MGAT5: variants seen among roughly 807,000 people sequenced by gnomAD.
The protein encoded by MGAT5 is alpha-1,6-mannosylglycoprotein 6-beta-N-acetylglucosaminyltransferase A.
MGAT5 carries 30 observed loss-of-function variants against 94.3 expected under a neutral mutation model. That is an observed-to-expected ratio of 0.32 (90% CI 0.24 to 0.43). The LOEUF (loss-of-function observed/expected upper bound fraction) is 0.43, where lower values mean the gene tolerates loss of function less well. Ranked by LOEUF, MGAT5 falls within the 20% of genes least tolerant of loss-of-function variation. The pLI, the probability that MGAT5 is intolerant of heterozygous loss-of-function variation, is 1.00. For synonymous variants in MGAT5, 310 were observed against 322.9 expected (o/e 0.96, Z 0.43); for missense variants, 691 against 905.5 (o/e 0.76, Z 3.04).
upstream of MGAT5, among the ~76,000 whole-genome samples, chr2:134,252,513 C>T (rs1337762997): frequency 6.6e-6 from 1 of 152,064 alleles, no homozygotes; most frequent in Non-Finnish European, 1.5e-5. Flanking sequence ...AGAATCACCT[C>T]GAGGCTTGTT....
chr2:134,166,786 G>A (rs1687981286), intron 1 of MGAT5, among the ~76,000 whole-genome samples: 1 of 152,180 alleles, frequency 6.6e-6, no homozygotes, highest in South Asian at 2.1e-4. Context: ...TAGATGTTGG[G>A]TGGTGATGGG....
chr2:134,410,480 G>T (rs1365902654), intron 11 of MGAT5, among the ~76,000 whole-genome samples: 1 of 152,148 alleles, frequency 6.6e-6, no homozygotes, highest in Non-Finnish European at 1.5e-5. Context: ...ATTTGCTTAG[G>T]CTTCATTCTA....
intron 1 of MGAT5, among the ~76,000 whole-genome samples, chr2:134,221,511 C>T (rs1030095039): frequency 3.9e-5 from 6 of 151,992 alleles, no homozygotes; most frequent in Admixed American, 3.3e-4. Context: ...CTTATCTGAC[C>T]TAAAAGGATG....
chr2:134,372,483 G>T, intron 10 of MGAT5, among the ~76,000 whole-genome samples: 1 of 152,178 alleles, frequency 6.6e-6, no homozygotes, highest in East Asian at 1.9e-4. Flanking sequence ...CTGTCTCGTA[G>T]CCTCTTGAAG....
At chr2:134,373,501 G>C (rs769555718) in intron 10 of MGAT5, among the ~76,000 whole-genome samples, 6 of 152,222 alleles carry the variant, frequency 3.9e-5, no homozygotes, top group Non-Finnish European at 7.3e-5. Flanking sequence ...AGGTAATTGT[G>C]TTGATTATGC....
intron 4 of MGAT5, among the ~76,000 whole-genome samples, chr2:134,326,056 T>C (rs72849281): frequency 6.3e-5 from 5 of 79,268 alleles, no homozygotes; most frequent in East Asian, 8.8e-4. Context: ...CTCTCTCTTT[T>C]TTTTTTTTTT....
At chr2:134,276,879 G>A (rs1366749712) in intron 2 of MGAT5, among the ~76,000 whole-genome samples, 1 of 152,190 alleles carries the variant, frequency 6.6e-6, no homozygotes, top group Non-Finnish European at 1.5e-5. Flanking sequence ...GGTGAAGCTG[G>A]TGTTATGGGG....
At chr2:134,331,855 C>G (rs557472785) in intron 4 of MGAT5, among the ~76,000 whole-genome samples, 14 of 152,122 alleles carry the variant, frequency 9.2e-5, no homozygotes, top group African/African-American at 3.4e-4. Flanking sequence ...TTCCAACTTA[C>G]AAGGGACGTG....
chr2:134,309,396 G>A (rs1026233582), intron 2 of MGAT5, among the ~76,000 whole-genome samples: 6 of 152,208 alleles, frequency 3.9e-5, no homozygotes, highest in African/African-American at 1.2e-4. Context: ...CTGCTAGACT[G>A]TTTTCCAAAG....
At chr2:134,285,000 T>C (rs1375164563) in intron 2 of MGAT5, among the ~76,000 whole-genome samples, 1 of 152,226 alleles carries the variant, frequency 6.6e-6, no homozygotes, top group African/African-American at 2.4e-5. Flanking sequence ...TTTTGATTTT[T>C]TGTTTTGGTC....
intron 1 of MGAT5, among the ~76,000 whole-genome samples, chr2:134,190,375 C>T (rs901476531): frequency 2.6e-5 from 4 of 152,186 alleles, no homozygotes; most frequent in Admixed American, 6.5e-5. Context: ...CTGTTTTTCT[C>T]TTGCTACTGC....
rs551324047 is a variant in MGAT5 at position 134,281,184 on chromosome 2, T to A, written c.406+10634T>A. Among the ~76,000 whole-genome samples, 3 of 152,342 alleles carry A rather than the reference T, an allele frequency of 2.0e-5. No individual in the cohort carries two copies. In the South Asian group the frequency reaches 6.2e-4, roughly 32 times the overall value. ...TCCTCATGGTGAGGATGCAATGAGA[T>A]GATGCATATTGAGATCCTGGTCCAA... On this transcript the variant is annotated intron_variant, in intron 2 of 15. Coordinates refer to ENST00000281923, the MANE Select transcript of MGAT5 (RefSeq NM_002410.5).
intron 10 of MGAT5, among the ~76,000 whole-genome samples, chr2:134,378,767 C>G (rs1160468648): frequency 2.0e-5 from 3 of 152,014 alleles, no homozygotes; most frequent in Non-Finnish European, 4.4e-5. Context: ...AGGCGTGCAC[C>G]ACCATACCCA....
intron 9 of MGAT5, among the ~76,000 whole-genome samples, chr2:134,358,198 T>C (rs1199394207): frequency 6.6e-6 from 1 of 151,868 alleles, no homozygotes; most frequent in African/African-American, 2.4e-5. Flanking sequence ...CCTTTTTTTT[T>C]TTTTGGATGC....
At chr2:134,149,262 C>T (rs1687064935) in intron 1 of MGAT5, among the ~76,000 whole-genome samples, 1 of 152,164 alleles carries the variant, frequency 6.6e-6, no homozygotes, top group South Asian at 2.1e-4. Context: ...ATAAAGAAAG[C>T]TTCCTTACAG....
At chr2:134,387,332 A>ATATATATATATATATTTT in intron 10 of MGAT5, among the ~76,000 whole-genome samples, 13 of 24,254 alleles carry the variant, frequency 5.4e-4, no homozygotes, top group South Asian at 3.4e-3. Flanking sequence ...ATATATATAT[A>ATATATATATATATATTTT]TTTTTTTTTT....
At chr2:134,324,115 T>C (rs146292397) in intron 4 of MGAT5, among the ~76,000 whole-genome samples, 22 of 152,290 alleles carry the variant, frequency 1.4e-4, no homozygotes, top group African/African-American at 5.3e-4. Flanking sequence ...TTTTTTCTTT[T>C]TAAACAGTTG....
intron 1 of MGAT5, among the ~76,000 whole-genome samples, chr2:134,255,964 GTGTA>G (rs1336675680): frequency 6.6e-6 from 1 of 152,010 alleles, no homozygotes; most frequent in East Asian, 1.9e-4. Flanking sequence ...ACACACGTAT[GTGTA>G]TGTGTGTGTG....
chr2:134,178,276 A>G (rs1487253102), intron 1 of MGAT5, among the ~76,000 whole-genome samples: 1 of 152,204 alleles, frequency 6.6e-6, no homozygotes, highest in Non-Finnish European at 1.5e-5. Context: ...TCTAATACAG[A>G]TAATTGCATA....
Sources: allele counts gnomAD v4.1 joint callset (sites outside exome capture counted in the v4.1 genomes callset), GRCh38; gene constraint gnomAD v4.1.1; transcripts MANE v1.5; gene names NCBI Gene and HGNC (gene_info 2026-07-23, HGNC 2026-07-21).